TTC33: variants seen among roughly 807,000 people sequenced by gnomAD.
TTC33 encodes tetratricopeptide repeat protein 33.
Under a neutral mutation model 29.4 loss-of-function variants are expected in TTC33, and 24 were observed. The ratio of observed to expected loss-of-function variants is 0.82; its 90% CI spans 0.59 to 1.15. The LOEUF is 1.15. Ranked by LOEUF, TTC33 falls within the 50% of genes most tolerant of loss-of-function variation. TTC33 has a pLI of 0.00. For synonymous variants in TTC33, 107 were observed against 100.3 expected (o/e 1.07, Z -0.40); for missense variants, 286 against 310.4 (o/e 0.92, Z 0.59).
Position 40,711,700 on chromosome 5 carries a change from C to A in TTC33, c.*4445G>T, listed in dbSNP as rs919508454. ...ATCTATATACTAGAATACTATTCAGCAATAAAAAGGAACTTATTATTGATA... is the reference window on the plus strand; with the variant it reads ...ATCTATATACTAGAATACTATTCAGAAATAAAAAGGAACTTATTATTGATA... On this transcript the variant is annotated 3_prime_UTR_variant, in exon 5 of 5. Coordinates refer to ENST00000337702, the MANE Select transcript of TTC33 (RefSeq NM_012382.3). 3.3e-5 allele frequency among the ~76,000 whole-genome samples: 5 copies of A among 151,658 alleles called. No homozygotes were observed. The highest frequency in any genetic ancestry group is 7.4e-5 in the Non-Finnish European group (5 of 67,930).
rs1193943563 is a variant in TTC33, at chr5:40,715,064, T to C, written c.*1081A>G. The C allele has an allele frequency of 6.6e-6, 1 of 152,132 alleles. No individual in the cohort carries two copies. The highest frequency in any genetic ancestry group is 1.5e-5 in the Non-Finnish European group (1 of 67,952). 9.4% of individuals were successfully genotyped at this position (152,132 alleles called of 1,614,324 possible). A position where few individuals can be genotyped will look rare whatever the true frequency, so the allele number is the denominator to read the frequency against. The stretch of plus-strand genomic sequence containing the variant: ...CCTTTTCATACTCATGAGATTGTAC[T>C]ATAAATCACATTCCAATTTCTATGT... On this transcript the variant is annotated 3_prime_UTR_variant, in exon 5 of 5. Transcript: ENST00000337702.
chr5:40,747,129 G>A, intron 1 of TTC33, 110 bp from the exon 2 acceptor site: 1 of 940,328 alleles, frequency 1.1e-6, no homozygotes, highest in Non-Finnish European at 1.6e-6. Context: ...CACGACCTCG[G>A]CTCACCGTAA....
At chr5:40,717,229 C>CAAAA (rs35359209) in intron 4 of TTC33, among the ~76,000 whole-genome samples, 33 of 108,880 alleles carry the variant, frequency 3.0e-4, no homozygotes, top group Non-Finnish European at 5.1e-4. Context: ...AACTCCATCT[C>CAAAA]AAAAAAAAAA....
intron 1 of TTC33, among the ~76,000 whole-genome samples, chr5:40,751,225 A>G (rs1022059699): frequency 2.0e-5 from 3 of 149,698 alleles, no homozygotes; most frequent in African/African-American, 7.3e-5. Flanking sequence ...TCCTTGATCC[A>G]TGGGCTGAGG....
At chr5:40,743,914 A>T (rs1458925138) in intron 2 of TTC33, among the ~76,000 whole-genome samples, 1 of 152,222 alleles carries the variant, frequency 6.6e-6, no homozygotes, top group Non-Finnish European at 1.5e-5. Context: ...GTTTTAGTGA[A>T]ATGACTCAAT....
chr5:40,733,031 A>C (rs967296133), intron 2 of TTC33, among the ~76,000 whole-genome samples: 1 of 152,230 alleles, frequency 6.6e-6, no homozygotes, highest in African/African-American at 2.4e-5. Context: ...ACACAGGAAA[A>C]AAAAATGGTA....
rs1224086942 is a variant in TTC33 at position 40,713,500 on chromosome 5, T to G, written c.*2645A>C. On this transcript the variant is annotated 3_prime_UTR_variant, in exon 5 of 5. Coordinates refer to ENST00000337702, the MANE Select transcript of TTC33 (RefSeq NM_012382.3). ...TAAAATTTTGTATGTAGGCCCCAGT[T>G]GCAGTAGATCTGGCTCCTGTGAGCT... Among the ~76,000 whole-genome samples, 1 of 152,186 alleles carries G rather than the reference T, an allele frequency of 6.6e-6. No homozygotes were observed. Among genetic ancestry groups the G allele is most frequent in the Non-Finnish European group, 1.5e-5 (1 of 68,016 alleles).
Position 40,713,092 on chromosome 5 carries a change from C to A in TTC33, c.*3053G>T, listed in dbSNP as rs1278973938. Among the ~76,000 whole-genome samples the A allele has an allele frequency of 1.3e-5, 2 of 151,974 alleles. No individual in the cohort carries two copies. Among genetic ancestry groups the A allele is most frequent in the African/African-American group, 4.8e-5 (2 of 41,402 alleles). On this transcript the variant is annotated 3_prime_UTR_variant, in exon 5 of 5. Coordinates refer to ENST00000337702, the MANE Select transcript of TTC33 (RefSeq NM_012382.3). ...TCAAATACATCAGTTTAATAATAAT[C>A]TCTAAGGAAGAAAAAAACACATTTA...
intron 4 of TTC33, among the ~76,000 whole-genome samples, chr5:40,723,133 C>G (rs1219205288): frequency 6.6e-6 from 1 of 152,038 alleles, no homozygotes; most frequent in Non-Finnish European, 1.5e-5. Context: ...TATAACCTTA[C>G]CCCCAACCCC....
chr5:40,754,449 A>G (rs1313123264), intron 1 of TTC33, among the ~76,000 whole-genome samples: 2 of 152,190 alleles, frequency 1.3e-5, no homozygotes, highest in Non-Finnish European at 2.9e-5. Flanking sequence ...CATCTGCTCA[A>G]AGTAAAAGGA....
Position 40,748,116 on chromosome 5 carries a change from T to G in TTC33, c.-1-1097A>C, listed in dbSNP as rs530209012. Among the ~76,000 whole-genome samples, 9 of 151,044 alleles carry G rather than the reference T, an allele frequency of 6.0e-5. No individual in the cohort carries two copies. The South Asian group carries it at 1.9e-3, about 32-fold the overall frequency. On this transcript the variant is annotated intron_variant, in intron 1 of 4. Coordinates refer to ENST00000337702, the MANE Select transcript of TTC33 (RefSeq NM_012382.3). ...TTCTGAGATAACAGGCGTGAGCCATTGCACCCAGCCAGAAGGAAACATTTA... is the reference window on the plus strand; with the variant it reads ...TTCTGAGATAACAGGCGTGAGCCATGGCACCCAGCCAGAAGGAAACATTTA...
chr5:40,729,730 G>A (rs768688421), intron 3 of TTC33, among the ~76,000 whole-genome samples: 2 of 151,778 alleles, frequency 1.3e-5, no homozygotes, highest in Non-Finnish European at 2.9e-5. Flanking sequence ...ATGGAGTCTC[G>A]CTGTGTCACC....
intron 4 of TTC33, among the ~76,000 whole-genome samples, chr5:40,722,903 C>T (rs1450345185): frequency 6.6e-6 from 1 of 152,012 alleles, no homozygotes; most frequent in Non-Finnish European, 1.5e-5. Flanking sequence ...AAGTGAGGAG[C>T]CCCTCTGCCC....
chr5:40,733,607 T>C (rs1742484567), intron 2 of TTC33, among the ~76,000 whole-genome samples: 1 of 152,164 alleles, frequency 6.6e-6, no homozygotes, highest in African/African-American at 2.4e-5. Flanking sequence ...ATAGAAGGCA[T>C]TTGTGGTCAT....
At chr5:40,729,660 A>C (rs548993709) in intron 3 of TTC33, among the ~76,000 whole-genome samples, 36 of 152,276 alleles carry the variant, frequency 2.4e-4, no homozygotes, top group African/African-American at 8.7e-4. Context: ...TATGTTTTTC[A>C]TCTAAGAGCT....
At position 40,716,163 on chromosome 5, in the gene TTC33, A is replaced by C; in HGVS notation, c.771T>G (p.Val257=). The change falls in exon 5 of 5, where the codon GTT becomes GTG. Residue 257 remains valine (V), a synonymous_variant. Coordinates refer to ENST00000337702, the MANE Select transcript of TTC33 (RefSeq NM_012382.3). ...EDGATPPDGS[V]FIKAR ...TACTGCTTCATCGGGCTTTGATAAAAACAGAGCCATCTGGTGGTGTAGCAC... is the reference window on the plus strand; with the variant it reads ...TACTGCTTCATCGGGCTTTGATAAACACAGAGCCATCTGGTGGTGTAGCAC... 6.2e-7 allele frequency: 1 copy of C among 1,606,948 alleles called. No homozygotes were observed. The highest frequency in any genetic ancestry group is 8.5e-7 in the Non-Finnish European group (1 of 1,175,354).
chr5:40,752,925 G>A (rs1402453152), intron 1 of TTC33, among the ~76,000 whole-genome samples: 1 of 152,026 alleles, frequency 6.6e-6, no homozygotes, highest in African/African-American at 2.4e-5. Context: ...CTAGAAGGAA[G>A]GTGAGAAAAA....
At chr5:40,752,332 T>C (rs769794865) in intron 1 of TTC33, among the ~76,000 whole-genome samples, 4 of 152,254 alleles carry the variant, frequency 2.6e-5, no homozygotes, top group African/African-American at 7.2e-5. Context: ...TTCAATTTCA[T>C]TGAAGAACTT....
rs1345301772 is a variant in TTC33, at chr5:40,711,866, G to A, written c.*4279C>T. Reference sequence around the variant, plus strand: ...CTAGAATTCTGAAGTCAAATCTAACGTATAGCCACAGAAAGCAGAAAAGTA... The same window carrying A: ...CTAGAATTCTGAAGTCAAATCTAACATATAGCCACAGAAAGCAGAAAAGTA... On this transcript the variant is annotated 3_prime_UTR_variant, in exon 5 of 5. Transcript: ENST00000337702. Among the ~76,000 whole-genome samples, 1 of 151,938 alleles carries A rather than the reference G, an allele frequency of 6.6e-6. No homozygotes were observed. Among genetic ancestry groups the A allele is most frequent in the Non-Finnish European group, 1.5e-5 (1 of 67,962 alleles).
Sources: allele counts gnomAD v4.1 joint callset (sites outside exome capture counted in the v4.1 genomes callset), GRCh38; gene constraint gnomAD v4.1.1; transcripts MANE v1.5; gene names NCBI Gene and HGNC (gene_info 2026-07-23, HGNC 2026-07-21).